The following ROBO2 variants were observed in gnomAD, a reference collection of about 807,000 sequenced individuals.
ROBO2 encodes roundabout homolog 2.
Under a neutral mutation model 160.8 loss-of-function variants are expected in ROBO2, and 53 were observed. The ratio of observed to expected loss-of-function variants is 0.33; its 90% CI spans 0.26 to 0.41. The LOEUF (loss-of-function observed/expected upper bound fraction) is 0.41, where lower values mean the gene tolerates loss of function less well. Among genes scored for constraint, ROBO2 ranks in the 10% least tolerant of loss-of-function variants. The probability of loss-of-function intolerance (pLI) is 1.00; values close to 1 mark genes in which losing one functional copy is unlikely to be tolerated. For synonymous variants in ROBO2, 664 were observed against 611.7 expected (o/e 1.09, Z -1.26); for missense variants, 1,577 against 1,722.4 (o/e 0.92, Z 1.49).
At chr3:76,963,282 A>G (rs1280624243) in intron 2 of ROBO2, among the ~76,000 whole-genome samples, 1 of 152,142 alleles carries the variant, frequency 6.6e-6, no homozygotes, top group Non-Finnish European at 1.5e-5. Context: ...TTGTCTTCAA[A>G]ATATTTTGCT....
At chr3:77,043,311 A>G (rs1162890855) in intron 1 of ROBO2, among the ~76,000 whole-genome samples, 1 of 152,194 alleles carries the variant, frequency 6.6e-6, no homozygotes, top group Non-Finnish European at 1.5e-5. Flanking sequence ...AGATATACTG[A>G]CCATCCTTGT....
chr3:76,743,082 A>G (rs1255427469), intron 2 of ROBO2, among the ~76,000 whole-genome samples: 1 of 152,176 alleles, frequency 6.6e-6, no homozygotes, highest in Non-Finnish European at 1.5e-5. Flanking sequence ...TTGAGGCACC[A>G]TATCGCAGGT....
At chr3:76,517,127 A>G (rs1166201761) in intron 2 of ROBO2, among the ~76,000 whole-genome samples, 1 of 152,170 alleles carries the variant, frequency 6.6e-6, no homozygotes, top group Non-Finnish European at 1.5e-5. Flanking sequence ...TAAAATTTTC[A>G]TACAGTGTGA....
At chr3:76,828,821 T>C (rs1352094828) in intron 2 of ROBO2, among the ~76,000 whole-genome samples, 1 of 152,040 alleles carries the variant, frequency 6.6e-6, no homozygotes, top group Non-Finnish European at 1.5e-5. Context: ...CTAATCAACC[T>C]GACATAGCCA....
chr3:76,170,951 C>G (rs2073018170), intron 2 of ROBO2, among the ~76,000 whole-genome samples: 1 of 152,144 alleles, frequency 6.6e-6, no homozygotes, highest in Non-Finnish European at 1.5e-5. Flanking sequence ...ATGCCAGGCA[C>G]TGCTGATATG....
chr3:75,964,538 ATTT>A (rs1949037389), intron 2 of ROBO2, among the ~76,000 whole-genome samples: 1 of 151,386 alleles, frequency 6.6e-6, no homozygotes, highest in Admixed American at 6.6e-5. Context: ...TATTTTGTAT[ATTT>A]TTATTTTGTA....
At chr3:76,220,638 A>G (rs1321866994) in intron 2 of ROBO2, among the ~76,000 whole-genome samples, 6 of 152,302 alleles carry the variant, frequency 3.9e-5, no homozygotes, top group Admixed American at 3.3e-4. Context: ...TTGGTACAGG[A>G]GCACAGATGC....
At chr3:76,991,612 T>C (rs2060669382) in intron 2 of ROBO2, among the ~76,000 whole-genome samples, 2 of 152,184 alleles carry the variant, frequency 1.3e-5, no homozygotes, top group African/African-American at 4.8e-5. Context: ...TTTGAAGAGA[T>C]AATAAGTTGA....
At chr3:76,676,831 A>C (rs1288656049) in intron 2 of ROBO2, among the ~76,000 whole-genome samples, 2 of 151,886 alleles carry the variant, frequency 1.3e-5, no homozygotes, top group Non-Finnish European at 2.9e-5. Context: ...TTCCCAGGCC[A>C]CTTCAAACTT....
At chr3:76,415,826 A>G (rs1219860887) in intron 2 of ROBO2, among the ~76,000 whole-genome samples, 3 of 152,204 alleles carry the variant, frequency 2.0e-5, no homozygotes, top group East Asian at 3.8e-4. Flanking sequence ...GAGTTACACA[A>G]TTTTAATAAG....
chr3:77,379,718 G>A (rs1027430676), intron 2 of ROBO2, among the ~76,000 whole-genome samples: 1 of 152,048 alleles, frequency 6.6e-6, no homozygotes. Context: ...TTCCTGACCT[G>A]CTACTTCACT....
intron 2 of ROBO2, among the ~76,000 whole-genome samples, chr3:76,036,799 C>T (rs147575276): frequency 1.5e-4 from 23 of 152,128 alleles, no homozygotes; most frequent in Non-Finnish European, 3.2e-4. Context: ...CCACTGTGCC[C>T]GGCCATTTCT....
At chr3:76,812,909 ATTTTTTTTTTTT>A (rs71104626) in intron 2 of ROBO2, among the ~76,000 whole-genome samples, 6 of 104,656 alleles carry the variant, frequency 5.7e-5, no homozygotes, top group Non-Finnish European at 1.1e-4. Context: ...AGAAGTATAA[ATTTTTTTTTTTT>A]TTTTTTTTTT....
chr3:77,471,618 A>G (rs1391188466), intron 2 of ROBO2, among the ~76,000 whole-genome samples: 2 of 152,236 alleles, frequency 1.3e-5, no homozygotes, highest in African/African-American at 4.8e-5. Context: ...TAAAGATTCA[A>G]TAACTTAGTC....
chr3:77,311,388 G>A (rs2063530708), intron 2 of ROBO2, among the ~76,000 whole-genome samples: 1 of 152,134 alleles, frequency 6.6e-6, no homozygotes, highest in Non-Finnish European at 1.5e-5. Context: ...TTGCAAAACT[G>A]GATTTTAGAA....
At chr3:76,629,179 A>T (rs1433676192) in intron 2 of ROBO2, among the ~76,000 whole-genome samples, 2 of 152,214 alleles carry the variant, frequency 1.3e-5, no homozygotes, top group African/African-American at 2.4e-5. Flanking sequence ...GTTCAAAAAA[A>T]CACTTGGATG....
At chr3:76,789,474 C>A (rs72898117) in intron 2 of ROBO2, among the ~76,000 whole-genome samples, 132 of 151,642 alleles carry the variant, frequency 8.7e-4, no homozygotes, top group African/African-American at 2.9e-3. Flanking sequence ...TCCTGGCTCA[C>A]AGGATGTTGT....
At chr3:76,420,960 T>C (rs1373312402) in intron 2 of ROBO2, among the ~76,000 whole-genome samples, 1 of 152,088 alleles carries the variant, frequency 6.6e-6, no homozygotes, top group African/African-American at 2.4e-5. Flanking sequence ...TGACAAGAAA[T>C]AGTTTGTATT....
At chr3:76,122,060 G>A (rs1448737393) in intron 2 of ROBO2, among the ~76,000 whole-genome samples, 5 of 152,182 alleles carry the variant, frequency 3.3e-5, no homozygotes, top group African/African-American at 1.2e-4. Flanking sequence ...TGCATTACAT[G>A]CAAAAACACT....
Sources: allele counts gnomAD v4.1 joint callset (sites outside exome capture counted in the v4.1 genomes callset), GRCh38; gene constraint gnomAD v4.1.1; transcripts MANE v1.5; gene names NCBI Gene and HGNC (gene_info 2026-07-23, HGNC 2026-07-21).